NGEF: variants seen among roughly 807,000 people sequenced by gnomAD.
The protein encoded by NGEF is neuronal guanine nucleotide exchange factor, also known as ephexin-1.
NGEF carries 31 observed loss-of-function variants against 80.9 expected under a neutral mutation model. The observed-to-expected ratio is 0.38, with a 90% confidence interval of 0.29 to 0.52. The LOEUF is 0.52. NGEF is among the 20% of genes least tolerant of loss of function. The pLI is 0.84. For missense variants in NGEF, 709 were observed against 926.2 expected, an observed-to-expected ratio of 0.77 and a Z score of 3.04; for synonymous variants, 371 against 370.2, an observed-to-expected ratio of 1.00 and a Z score of -0.03.
At chr2:232,952,922 C>T (rs1480365805) in intron 3 of NGEF, among the ~76,000 whole-genome samples, 3 of 129,802 alleles carry the variant, frequency 2.3e-5, no homozygotes, top group Non-Finnish European at 3.1e-5. Context: ...GAGCCGAGAT[C>T]GCACAACTGC....
At chr2:232,961,641 C>T (rs1475992906) in intron 3 of NGEF, among the ~76,000 whole-genome samples, 7 of 151,686 alleles carry the variant, frequency 4.6e-5, no homozygotes, top group Admixed American at 1.3e-4. Context: ...TACAGGTGCC[C>T]GCCACCACGC....
chr2:232,881,474 T>C (rs1452925045), intron 13 of NGEF, among the ~76,000 whole-genome samples: 1 of 152,190 alleles, frequency 6.6e-6, no homozygotes, highest in Non-Finnish European at 1.5e-5. Context: ...GGGGCCTTAG[T>C]TTAAACTTCA....
At chr2:232,976,115 C>T (rs1287308989) in intron 1 of NGEF, among the ~76,000 whole-genome samples, 1 of 152,058 alleles carries the variant, frequency 6.6e-6, no homozygotes, top group Non-Finnish European at 1.5e-5. Context: ...GCAGGAGAAT[C>T]GCTTGAATCT....
At chr2:232,983,657 G>C (rs577975914) in intron 1 of NGEF, among the ~76,000 whole-genome samples, 3 of 152,192 alleles carry the variant, frequency 2.0e-5, no homozygotes, top group Non-Finnish European at 4.4e-5. Flanking sequence ...GCCAGTCTGA[G>C]CTCAGAGGGA....
chr2:233,003,215 C>T (rs1334991284), intron 1 of NGEF, among the ~76,000 whole-genome samples: 1 of 152,170 alleles, frequency 6.6e-6, no homozygotes, highest in East Asian at 1.9e-4. Flanking sequence ...GTGTTTGGGG[C>T]CTCCCCACCC....
rs1694685919 is a variant in NGEF at position 232,993,109 on chromosome 2, A to ATATATGGGCAAATATATATATAT, written c.-74-18146_-74-18145insATATATATATATTTGCCCATATA. On this transcript the variant is annotated intron_variant, in intron 1 of 14. Coordinates refer to ENST00000264051, the MANE Select transcript of NGEF (RefSeq NM_019850.3). The stretch of plus-strand genomic sequence containing the variant: ...CAAATATATATATAAATAAATAAAT[A>ATATATGGGCAAATATATATATAT]TATATATATAAATAAATATATATTT... Among the ~76,000 whole-genome samples the ATATATGGGCAAATATATATATAT allele has an allele frequency of 1.7e-4, 4 of 22,998 alleles. No homozygotes were observed. In the East Asian group the frequency reaches 0.077, roughly 442 times the overall value. 15.1% of individuals were successfully genotyped at this position (22,998 alleles called of 152,430 possible). A position where few individuals can be genotyped will look rare whatever the true frequency, so the allele number is the denominator to read the frequency against.
At chr2:233,000,724 C>T (rs765398339) in intron 1 of NGEF, among the ~76,000 whole-genome samples, 1 of 150,306 alleles carries the variant, frequency 6.7e-6, no homozygotes, top group African/African-American at 2.4e-5. Context: ...CGCGCCACTG[C>T]ACTCCAGCTC....
intron 1 of NGEF, among the ~76,000 whole-genome samples, chr2:232,990,986 C>T (rs1445086955): frequency 6.6e-6 from 1 of 152,140 alleles, no homozygotes; most frequent in South Asian, 2.1e-4. Context: ...AAAACATGAT[C>T]ATCTTATTAG....
chr2:232,958,878 C>T (rs902360826), intron 3 of NGEF, among the ~76,000 whole-genome samples: 8 of 152,150 alleles, frequency 5.3e-5, no homozygotes, highest in Non-Finnish European at 1.5e-5. Flanking sequence ...TCCACTCCCA[C>T]CCACTCCTCC....
At chr2:232,886,748 C>CT (rs1328366703) in intron 9 of NGEF, among the ~76,000 whole-genome samples, 2 of 152,236 alleles carry the variant, frequency 1.3e-5, no homozygotes, top group East Asian at 3.9e-4. Context: ...GGAGAGCCTT[C>CT]TGGGGCACGT....
intron 3 of NGEF, among the ~76,000 whole-genome samples, chr2:232,964,835 A>G (rs1694024335): frequency 6.6e-6 from 1 of 152,214 alleles, no homozygotes; most frequent in Non-Finnish European, 1.5e-5. Flanking sequence ...AACAAAACCA[A>G]TCTGATGGTG....
intron 5 of NGEF, among the ~76,000 whole-genome samples, chr2:232,901,686 C>T (rs1692361805): frequency 6.6e-6 from 1 of 152,236 alleles, no homozygotes; most frequent in South Asian, 2.1e-4. Context: ...GTGCCAGGCC[C>T]TCCCCACACA....
intron 5 of NGEF, 105 bp from the exon 6 acceptor site, chr2:232,895,021 A>C: frequency 7.5e-7 from 1 of 1,340,984 alleles, no homozygotes; most frequent in Non-Finnish European, 1.0e-6. Flanking sequence ...AGGGAGTTGA[A>C]AGGGAAAAAT....
At chr2:232,894,579 C>T (rs1333334736) in intron 6 of NGEF, 177 bp downstream of exon 6, 22 of 633,904 alleles carry the variant, frequency 3.5e-5, no homozygotes, top group Non-Finnish European at 4.5e-5. Context: ...GCCACCCTGC[C>T]AGAAGGGGTG....
chr2:232,967,021 C>T (rs1049606227), intron 3 of NGEF, among the ~76,000 whole-genome samples: 2 of 152,164 alleles, frequency 1.3e-5, no homozygotes, highest in Admixed American at 6.5e-5. Flanking sequence ...TTTGTCCCCA[C>T]CCAAATCTCA....
At chr2:232,901,329 G>A (rs1248398054) in intron 5 of NGEF, 5 of 980,408 alleles carry the variant, frequency 5.1e-6, no homozygotes, top group African/African-American at 1.8e-5. Context: ...AGCAAAGCTC[G>A]AGGCTGCGCG....
Position 232,879,443 on chromosome 2 carries a change from C to T in NGEF, c.*46G>A, listed in dbSNP as rs770173347. ...GAGCCCCCCCCCCCCCACCTTCTGTCGGGGTCTCATGCAGGCCCTGCTCCC... is the reference window on the plus strand; with the variant it reads ...GAGCCCCCCCCCCCCCACCTTCTGTTGGGGTCTCATGCAGGCCCTGCTCCC... On this transcript the variant is annotated 3_prime_UTR_variant, in exon 15 of 15. Transcript: ENST00000264051. 15 of 1,112,674 alleles carry T rather than the reference C, an allele frequency of 1.3e-5. No individual in the cohort carries two copies. The highest frequency in any genetic ancestry group is 5.5e-5 in the Admixed American group (3 of 54,988). 68.9% of individuals were successfully genotyped at this position (1,112,674 alleles called of 1,614,324 possible).
chr2:232,982,840 C>G (rs1364349822), intron 1 of NGEF, among the ~76,000 whole-genome samples: 1 of 152,180 alleles, frequency 6.6e-6, no homozygotes, highest in African/African-American at 2.4e-5. Context: ...CTCCCTGGAT[C>G]AAAGTGGGGA....
At chr2:232,963,016 G>C (rs369123168) in intron 3 of NGEF, among the ~76,000 whole-genome samples, 1 of 151,880 alleles carries the variant, frequency 6.6e-6, no homozygotes, top group Non-Finnish European at 1.5e-5. Flanking sequence ...TGAAATTCTA[G>C]CTGAATTTTT....
Sources: gnomAD v4.1 joint callset for allele counts (sites outside exome capture counted in the v4.1 genomes callset) on GRCh38, gnomAD v4.1.1 for gene constraint, MANE v1.5 for transcripts, NCBI Gene and HGNC (gene_info 2026-07-23, HGNC 2026-07-21) for gene names.